Variants in PIP4P1 observed in about 807,000 individuals in gnomAD.
The protein encoded by PIP4P1 is phosphatidylinositol-4,5-bisphosphate 4-phosphatase 1, also known as type 1 phosphatidylinositol 4,5-bisphosphate 4-phosphatase.
PIP4P1 carries 14 observed loss-of-function variants against 32.3 expected under a neutral mutation model. The observed-to-expected ratio is 0.43, with a 90% CI of 0.29 to 0.68. The LOEUF (loss-of-function observed/expected upper bound fraction) is 0.68. Among genes scored for constraint, PIP4P1 ranks in the 30% least tolerant of loss-of-function variants. PIP4P1 has a pLI of 0.15. For missense variants in PIP4P1, 289 were observed against 364.5 expected (o/e 0.79, Z 1.69); for synonymous variants, 132 against 137.9 (o/e 0.96, Z 0.30).
chr14:20,461,041 C>T (rs984854435), intron 1 of PIP4P1, 143 bp downstream of exon 1: 3 of 1,273,070 alleles, frequency 2.4e-6, no homozygotes, highest in Admixed American at 3.7e-5. Context: ...AAGGAAGCCT[C>T]GCCCAGTCAC....
chr14:20,460,598 G>A, intron 2 of PIP4P1, 57 bp downstream of exon 2: 3 of 1,578,290 alleles, frequency 1.9e-6, no homozygotes, highest in Non-Finnish European at 2.6e-6. Flanking sequence ...CTAGAACCAA[G>A]ACATCAGAAA....
chr14:20,458,312 A>C lies in PIP4P1; in HGVS notation c.*247T>G. ...GTCTTCAGGGCCCAGTTTTAAGGGC[A>C]ACGTTTTGCCTACTTCACCCTAGAC... is the stretch of plus-strand genomic sequence containing the variant. On this transcript the variant is annotated 3_prime_UTR_variant, in exon 7 of 7. Coordinates refer to ENST00000250489, the MANE Select transcript of PIP4P1 (RefSeq NM_144568.4). 1 of 638,390 alleles carries C rather than the reference A, an allele frequency of 1.6e-6. No homozygotes were observed. Among genetic ancestry groups the C allele is most frequent in the Non-Finnish European group, 2.9e-6 (1 of 348,096 alleles). 39.5% of individuals were successfully genotyped at this position (638,390 alleles called of 1,614,324 possible).
chr14:20,460,885 C>A (rs375242039), intron 1 of PIP4P1, 40 bp from the exon 2 acceptor site: 4 of 1,506,402 alleles, frequency 2.7e-6, no homozygotes, highest in African/African-American at 2.8e-5. Context: ...ATCACTTACA[C>A]CCCCACTGAT....
intron 6 of PIP4P1, chr14:20,458,955 A>G (rs1235621235): frequency 1.6e-6 from 1 of 624,680 alleles, no homozygotes; most frequent in Non-Finnish European, 2.7e-6. Flanking sequence ...TTTGAAAAAT[A>G]GCAACTCTTA....
chr14:20,460,350 C>A, intron 2 of PIP4P1, 52 bp from the exon 3 acceptor site: 1 of 1,306,368 alleles, frequency 7.7e-7, no homozygotes, highest in Non-Finnish European at 1.1e-6. Context: ...CAATCCCCTC[C>A]ACTTCCCTCC....
In PIP4P1 at chr14:20,461,221, C is replaced by G; in HGVS notation, c.105G>C (p.Gly35=). The G allele has an allele frequency of 5.6e-6, 7 of 1,256,996 alleles. No individual in the cohort carries two copies. Among genetic ancestry groups the G allele is most frequent in the East Asian group, 3.1e-5 (1 of 32,240 alleles). The allele number at this position is 1,256,996 out of a possible 1,614,324, so 77.9% of individuals were successfully genotyped here. A position where few individuals can be genotyped will look rare whatever the true frequency, so the allele number is the denominator to read the frequency against. Residue 35 remains glycine, a synonymous_variant, in exon 1 of 7, where the codon GGG becomes GGC. Coordinates refer to ENST00000250489, the MANE Select transcript of PIP4P1 (RefSeq NM_144568.4). ...VGPGGSGAGP[G]GGLTPSAPPY... is the part of the protein sequence containing the mutation. ...GTGGTGCGGAGGGGGTCAGGCCTCC[C>G]CCGGGCCCAGCCCCACTCCCGCCGG...
At position 20,460,789 on chromosome 14, in the gene PIP4P1, G is replaced by C. The variant is rs1031828089; in HGVS notation, c.199C>G (p.Pro67Ala). Residue 67 changes from proline (P) to alanine (A), a missense_variant, in exon 2 of 7, where the codon CCC (proline) becomes GCC (alanine). Pro to Ala is a conservative substitution (Grantham distance 27, BLOSUM62 -1). Around this residue, in one of 2 missense-constraint regions of PIP4P1, gnomAD observed 108 missense variants for 101.2 expected, o/e 1.07. Coordinates refer to ENST00000250489, the MANE Select transcript of PIP4P1 (RefSeq NM_144568.4). ...TCCGGGCTAGTTAAGGGTGAATAGG[G>C]GGGTGGGTCCTCCCCAGGCAACACG... ...PAVLPGEDPP[P>A]YSPLTSPDSG... The C allele has an allele frequency of 3.1e-6, 5 of 1,600,958 alleles. No individual in the cohort carries two copies. The highest frequency in any genetic ancestry group is 3.5e-5 in the Admixed American group (2 of 57,868).
At chr14:20,459,598 C>G in intron 4 of PIP4P1, 30 bp downstream of exon 4, 1 of 1,597,238 alleles carries the variant, frequency 6.3e-7, no homozygotes, top group Non-Finnish European at 8.6e-7. Flanking sequence ...AGTCTCCTTT[C>G]CCCTCCCCTT....
At chr14:20,461,028 G>A (rs1010226057) in intron 1 of PIP4P1, 156 bp downstream of exon 1, 3 of 1,262,654 alleles carry the variant, frequency 2.4e-6, no homozygotes, top group Non-Finnish European at 3.0e-6. Context: ...CGATTACGGA[G>A]GGAAGGAAGC....
At chr14:20,458,907 T>C (rs969456242) in intron 6 of PIP4P1, 1 of 665,756 alleles carries the variant, frequency 1.5e-6, no homozygotes, top group Non-Finnish European at 2.5e-6. Context: ...TCCCACACTG[T>C]ATCTCAGTTT....
intron 2 of PIP4P1, 114 bp downstream of exon 2, chr14:20,460,541 C>G (rs1881661307): frequency 8.8e-7 from 1 of 1,140,264 alleles, no homozygotes; most frequent in African/African-American, 1.5e-5. Context: ...GGAACTGAAA[C>G]CTGGGTATCA....
chr14:20,459,862 T>TA, intron 3 of PIP4P1, 129 bp from the exon 4 acceptor site: 1 of 691,346 alleles, frequency 1.4e-6, no homozygotes, highest in Middle Eastern at 4.0e-4. Context: ...TCTCTGTACT[T>TA]AAGATACTCT....
At chr14:20,461,137 A>T (rs1390804019) in intron 1 of PIP4P1, 47 bp downstream of exon 1, 1 of 1,264,194 alleles carries the variant, frequency 7.9e-7, no homozygotes, top group African/African-American at 1.6e-5. Flanking sequence ...TACCCCGGGG[A>T]GCACCTCGGA....
chr14:20,459,338 G>T, intron 5 of PIP4P1, 42 bp from the exon 6 acceptor site: 1 of 1,614,080 alleles, frequency 6.2e-7, no homozygotes, highest in African/African-American at 1.3e-5. Context: ...CTATGGCCTT[G>T]TAGTTTTTAC....
chr14:20,459,233 A>G lies in PIP4P1; in HGVS notation c.663T>C (p.Leu221=). Reference sequence around the variant, plus strand: ...CAAGGCCAGTGGCAGTGACTGCCAAAAGCAAGCCAAGCAAGAAGCAGCAGA... The same window carrying G: ...CAAGGCCAGTGGCAGTGACTGCCAAGAGCAAGCCAAGCAAGAAGCAGCAGA... ...RCICCFLLGL[L]LAVTATGLAF... is the part of the protein sequence containing the mutation. The change falls in exon 6 of 7, where the codon CTT becomes CTC. Residue 221 remains leucine, a synonymous_variant. Transcript: ENST00000250489. 1 of 1,614,224 alleles carries G rather than the reference A, an allele frequency of 6.2e-7. No homozygotes were observed. Among genetic ancestry groups the G allele is most frequent in the Non-Finnish European group, 8.5e-7 (1 of 1,180,052 alleles).
intron 5 of PIP4P1, 41 bp downstream of exon 5, chr14:20,459,347 A>G: frequency 6.2e-7 from 1 of 1,614,026 alleles, no homozygotes; most frequent in Non-Finnish European, 8.5e-7. Context: ...TGTAGTTTTT[A>G]CTCCATACAT....
chr14:20,458,997 T>C, intron 6 of PIP4P1: 1 of 638,414 alleles, frequency 1.6e-6, no homozygotes. Context: ...ATCCTCATCC[T>C]ACAGAGAAAG....
rs1054178530 is a variant in PIP4P1, at chr14:20,461,363, G to A, written c.-38C>T. On this transcript the variant is annotated 5_prime_UTR_variant, in exon 1 of 7. Transcript: ENST00000250489. ...CGCCTCCCGCTCAGGTCGGCGATCC[G>A]GCTCCCTTCGCCTCTGCCGTCGCCG... is the stretch of plus-strand genomic sequence containing the variant. 2 of 1,254,080 alleles carry A rather than the reference G, an allele frequency of 1.6e-6. No individual in the cohort carries two copies. The highest frequency in any genetic ancestry group is 6.1e-5 in the East Asian group (2 of 32,856). The allele number at this position is 1,254,080 out of a possible 1,614,324, so 77.7% of individuals were successfully genotyped here.
In PIP4P1 at chr14:20,461,208, G is replaced by A. The variant is rs984905200; in HGVS notation, c.118C>T (p.Pro40Ser). Residue 40 changes from proline (P) to serine (S), a missense_variant, in exon 1 of 7, where the codon CCC (proline) becomes TCC (serine). Transcript: ENST00000250489. ...CCGGCTCCGTACGGTGGTGCGGAGG[G>A]GGTCAGGCCTCCCCCGGGCCCAGCC... The part of the protein sequence containing the change: ...SGAGPGGGLT[P>S]SAPPYGAAFP... 4.0e-6 allele frequency: 5 copies of A among 1,255,004 alleles called. No homozygotes were observed. The highest frequency in any genetic ancestry group is 3.1e-5 in the African/African-American group (2 of 64,616). 77.7% of individuals were successfully genotyped at this position (1,255,004 alleles called of 1,614,324 possible). A position where few individuals can be genotyped will look rare whatever the true frequency, so the allele number is the denominator to read the frequency against.
Sources: allele counts gnomAD v4.1 joint callset, GRCh38; gene constraint gnomAD v4.1.1; regional missense constraint gnomAD v4.1.1; transcripts MANE v1.5; gene names NCBI Gene and HGNC (gene_info 2026-07-23, HGNC 2026-07-21).